PHLPP1: variants seen among roughly 807,000 people sequenced by gnomAD.
PHLPP1 encodes the protein PH domain and leucine rich repeat protein phosphatase 1.
PHLPP1 carries 42 observed loss-of-function variants against 117.2 expected under a neutral mutation model. That is an observed-to-expected ratio of 0.36 (90% CI 0.28 to 0.46). The LOEUF is 0.46. Among genes scored for constraint, PHLPP1 ranks in the 20% least tolerant of loss-of-function variants. PHLPP1 has a pLI of 1.00. For missense variants in PHLPP1, 2,084 were observed against 2,241.9 expected, an observed-to-expected ratio of 0.93 and a Z score of 1.42; for synonymous variants, 1,042 against 970.7, an observed-to-expected ratio of 1.07 and a Z score of -1.37.
chr18:62,719,550 C>A (rs1490302175), intron 1 of PHLPP1, among the ~76,000 whole-genome samples: 1 of 152,142 alleles, frequency 6.6e-6, no homozygotes, highest in Non-Finnish European at 1.5e-5. Context: ...ATATAGGACA[C>A]CTCAACAGGA....
At position 62,905,205 on chromosome 18, in the gene PHLPP1, T is replaced by G. The variant is rs201870188; in HGVS notation, c.2648-19T>G. On this transcript the variant is annotated intron_variant, in intron 7 of 16. Coordinates refer to ENST00000262719, the MANE Select transcript of PHLPP1 (RefSeq NM_194449.4). ...TTTGTATAGTAATGTCTTTGTGGGG[T>G]TTTTTTTTTTCTTCCTAGAACTTGT... The G allele has an allele frequency of 3.0e-4, 83 of 272,966 alleles. No individual in the cohort carries two copies. Among genetic ancestry groups the G allele is most frequent in the Admixed American group, 1.8e-3 (15 of 8,554 alleles). 16.9% of individuals were successfully genotyped at this position (272,966 alleles called of 1,614,324 possible).
rs140433526 is a variant in PHLPP1 at position 62,845,938 on chromosome 18, G to T, written c.1899+7029G>T. Among the ~76,000 whole-genome samples the T allele has an allele frequency of 8.6e-4, 131 of 152,266 alleles. 1 individual carries two copies. Among genetic ancestry groups the T allele is most frequent in the African/African-American group, 3.0e-3 (124 of 41,556 alleles). On this transcript the variant is annotated intron_variant, in intron 3 of 16. Coordinates refer to ENST00000262719, the MANE Select transcript of PHLPP1 (RefSeq NM_194449.4). ...TCTAAATGGAATGAAGGGGCTGGGT[G>T]CAGTGGCTTATGCCTGTAATCCCAG...
chr18:62,773,748 C>T (rs993713674), intron 1 of PHLPP1, among the ~76,000 whole-genome samples: 2 of 152,106 alleles, frequency 1.3e-5, no homozygotes, highest in African/African-American at 4.8e-5. Flanking sequence ...TGTCTTAGTT[C>T]GTTTAGGCTG....
At chr18:62,894,362 A>G (rs923389309) in intron 4 of PHLPP1, among the ~76,000 whole-genome samples, 1 of 151,894 alleles carries the variant, frequency 6.6e-6, no homozygotes, top group African/African-American at 2.4e-5. Flanking sequence ...GGCCCGGCTA[A>G]TTTTTTGTGT....
At chr18:62,746,086 C>T (rs567230299) in intron 1 of PHLPP1, among the ~76,000 whole-genome samples, 21 of 152,058 alleles carry the variant, frequency 1.4e-4, no homozygotes, top group Non-Finnish European at 2.5e-4. Flanking sequence ...TCTTGTTGCC[C>T]AGGCTGGAGT....
At chr18:62,934,666 T>C (rs1302673570) in intron 10 of PHLPP1, among the ~76,000 whole-genome samples, 2 of 152,126 alleles carry the variant, frequency 1.3e-5, no homozygotes, top group East Asian at 3.8e-4. Context: ...ATTACACAAT[T>C]TACCCGTTTA....
intron 3 of PHLPP1, chr18:62,843,005 A>G (rs1273930462): frequency 6.6e-6 from 1 of 152,220 alleles, no homozygotes; most frequent in African/African-American, 2.4e-5. Flanking sequence ...TGACATGGAT[A>G]AGGATGATTG....
intron 1 of PHLPP1, among the ~76,000 whole-genome samples, chr18:62,810,557 ATAAC>A (rs1354823330): frequency 1.1e-4 from 16 of 152,338 alleles, no homozygotes; most frequent in African/African-American, 3.4e-4. Context: ...ATTAACAACA[ATAAC>A]TAAGAATAAA....
intron 1 of PHLPP1, among the ~76,000 whole-genome samples, chr18:62,719,452 A>T (rs1910852997): frequency 6.6e-6 from 1 of 152,216 alleles, no homozygotes; most frequent in African/African-American, 2.4e-5. Context: ...AGTCTCATTT[A>T]TGGAAACGTT....
chr18:62,831,349 T>C (rs1323078225), intron 2 of PHLPP1, among the ~76,000 whole-genome samples: 2 of 151,826 alleles, frequency 1.3e-5, no homozygotes, highest in African/African-American at 4.8e-5. Flanking sequence ...TTTCTTTTTT[T>C]TTTTTTGAGA....
chr18:62,823,901 G>A (rs1194499632), intron 1 of PHLPP1, among the ~76,000 whole-genome samples: 6 of 152,176 alleles, frequency 3.9e-5, no homozygotes. Context: ...GGAGGCCGAG[G>A]TAGGTGGACC....
chr18:62,973,537 A>G (rs1307792995), intron 15 of PHLPP1, among the ~76,000 whole-genome samples: 2 of 152,174 alleles, frequency 1.3e-5, no homozygotes, highest in African/African-American at 4.8e-5. Context: ...CTCTCCCTTG[A>G]TATTCTGCCA....
intron 7 of PHLPP1, 71 bp from the exon 8 acceptor site, chr18:62,905,144 AATGACGTTC>A (rs1194427630): frequency 1.4e-6 from 1 of 724,598 alleles, no homozygotes; most frequent in African/African-American, 1.8e-5. Context: ...AAAGCACAGT[AATGACGTTC>A]CACATACAAA....
chr18:62,930,568 G>T (rs1315878686), intron 10 of PHLPP1, among the ~76,000 whole-genome samples: 1 of 152,038 alleles, frequency 6.6e-6, no homozygotes, highest in Admixed American at 6.6e-5. Context: ...TTTATAAAAC[G>T]AATACCAGAC....
chr18:62,730,036 G>C (rs372224204), intron 1 of PHLPP1, among the ~76,000 whole-genome samples: 35 of 152,194 alleles, frequency 2.3e-4, no homozygotes, highest in African/African-American at 7.0e-4. Context: ...TTGGTAACTT[G>C]TCTAGATTTG....
At chr18:62,930,881 G>A (rs489479) in intron 10 of PHLPP1, among the ~76,000 whole-genome samples, 71,738 of 151,872 alleles carry the variant, frequency 0.47, 17,065 homozygotes, top group Middle Eastern at 0.57. Flanking sequence ...TTAATACCAA[G>A]AGAAACTCTC....
chr18:62,950,490 A>G (rs1011270588), intron 12 of PHLPP1, among the ~76,000 whole-genome samples: 1 of 152,214 alleles, frequency 6.6e-6, no homozygotes, highest in Non-Finnish European at 1.5e-5. Context: ...CTTGTCTCTA[A>G]AGTAAAATGA....
Position 62,978,864 on chromosome 18 carries a change from C to T in PHLPP1, c.4587C>T (p.Arg1529=), listed in dbSNP as rs1358846804. 6 of 1,606,590 alleles carry T rather than the reference C, an allele frequency of 3.7e-6. No homozygotes were observed. In the Admixed American group the frequency reaches 8.5e-5, roughly 23 times the overall value. ...HPICLSNSFQ[R]QLSSATFSSA... is the part of the protein sequence containing the mutation. ...TCTGTCTGTCCAACTCCTTCCAGCG[C>T]CAGCTATCCAGCGCCACGTTCTCTA... is the stretch of plus-strand genomic sequence containing the variant. The change falls in exon 17 of 17, where the codon CGC becomes CGT. Residue 1529 remains arginine (R), a synonymous_variant. Coordinates refer to ENST00000262719, the MANE Select transcript of PHLPP1 (RefSeq NM_194449.4). This position sits in a 1 kb window ranked among gnomAD's most constrained non-coding sequence, Gnocchi z 7.0.
At chr18:62,847,637 T>A (rs914292217) in intron 3 of PHLPP1, among the ~76,000 whole-genome samples, 1 of 152,216 alleles carries the variant, frequency 6.6e-6, no homozygotes, top group Non-Finnish European at 1.5e-5. Context: ...TAATATTAAC[T>A]GCAGTTTTCT....
Sources: gnomAD v4.1 joint callset for allele counts (sites outside exome capture counted in the v4.1 genomes callset) on GRCh38, gnomAD v4.1.1 for gene constraint, Gnocchi (gnomAD v3.1) non-coding constraint, MANE v1.5 for transcripts, NCBI Gene and HGNC (gene_info 2026-07-23, HGNC 2026-07-21) for gene names.